The following RANBP2 variants were observed in gnomAD, a reference collection of about 807,000 sequenced individuals.
RANBP2 encodes E3 SUMO-protein ligase RanBP2.
In RANBP2, 57 loss-of-function variants were observed where a neutral mutation model predicts 303.6. The observed-to-expected ratio is 0.19, with a 90% CI of 0.15 to 0.23. RANBP2 has a LOEUF of 0.23. Ranked by LOEUF, RANBP2 falls within the 10% of genes least tolerant of loss-of-function variation. The pLI, the probability that RANBP2 is intolerant of heterozygous loss-of-function variation, is 1.00. For synonymous variants in RANBP2, 1,167 were observed against 1,301.5 expected (o/e 0.90, Z 2.23); for missense variants, 3,138 against 3,780.8 (o/e 0.83, Z 4.46).
chr2:109,713,844 GT>G, the RANBP2 span, among the ~76,000 whole-genome samples: 1 of 152,222 alleles, frequency 6.6e-6, no homozygotes, highest in African/African-American at 2.4e-5. Context: ...AGATCACTCT[GT>G]TTTTGCTACT....
chr2:109,164,473 A>T, the RANBP2 span, among the ~76,000 whole-genome samples: 5 of 152,208 alleles, frequency 3.3e-5, no homozygotes, highest in Non-Finnish European at 7.3e-5. Flanking sequence ...TGTGAGCCAC[A>T]GTATTTGGCC....
At chr2:109,709,773 A>G in the RANBP2 span, among the ~76,000 whole-genome samples, 1 of 152,234 alleles carries the variant, frequency 6.6e-6, no homozygotes, top group African/African-American at 2.4e-5. Flanking sequence ...TGGGCAAATT[A>G]GAGAAACAAA....
chr2:109,567,271 C>G, the RANBP2 span, among the ~76,000 whole-genome samples: 1 of 152,086 alleles, frequency 6.6e-6, no homozygotes, highest in African/African-American at 2.4e-5. Flanking sequence ...ATTTCAAAAC[C>G]CATGATCCTA....
chr2:109,425,370 A>G, the RANBP2 span, among the ~76,000 whole-genome samples: 2 of 146,776 alleles, frequency 1.4e-5, no homozygotes, highest in African/African-American at 2.8e-5. Context: ...GGCGACACTA[A>G]ACAACAGATT....
chr2:109,073,512 C>CAAAAAAA, the RANBP2 span, among the ~76,000 whole-genome samples: 36 of 149,994 alleles, frequency 2.4e-4, no homozygotes, highest in Non-Finnish European at 3.0e-4. Flanking sequence ...ACTAAAAATA[C>CAAAAAAA]AAAAAAATTA....
chr2:109,269,336 C>T, the RANBP2 span, among the ~76,000 whole-genome samples: 3 of 152,312 alleles, frequency 2.0e-5, no homozygotes, highest in Admixed American at 6.5e-5. Flanking sequence ...GCCTTCCCCC[C>T]GGGAGAACAG....
the RANBP2 span, chr2:109,129,446 C>T: frequency 4.0e-6 from 6 of 1,490,770 alleles, no homozygotes; most frequent in Admixed American, 2.1e-5. Flanking sequence ...CGGCGGAGCC[C>T]GGCTCCCCAG....
At chr2:109,104,141 G>A in the RANBP2 span, among the ~76,000 whole-genome samples, 6 of 152,222 alleles carry the variant, frequency 3.9e-5, no homozygotes, top group South Asian at 1.0e-3. Flanking sequence ...AGCTTTGCAG[G>A]GTCGTTTCAA....
the RANBP2 span, among the ~76,000 whole-genome samples, chr2:109,474,613 G>A: frequency 3.3e-5 from 5 of 152,244 alleles, no homozygotes; most frequent in East Asian, 1.9e-4. Context: ...TTTGGGCAGG[G>A]GGGGAGAACG....
chr2:108,991,017 T>G, the RANBP2 span, among the ~76,000 whole-genome samples: 1 of 152,168 alleles, frequency 6.6e-6, no homozygotes, highest in Non-Finnish European at 1.5e-5. Context: ...AATTAAGTGG[T>G]GATTTAAAAT....
At chr2:109,445,810 A>G in the RANBP2 span, among the ~76,000 whole-genome samples, 1 of 152,128 alleles carries the variant, frequency 6.6e-6, no homozygotes, top group Non-Finnish European at 1.5e-5. Context: ...GTGGGAAGCG[A>G]TACCCCTGAA....
At chr2:109,007,428 C>A in the RANBP2 span, among the ~76,000 whole-genome samples, 1 of 152,184 alleles carries the variant, frequency 6.6e-6, no homozygotes, top group African/African-American at 2.4e-5. Context: ...ACAACATGTA[C>A]CTATAGCTTT....
At chr2:109,455,817 C>A in the RANBP2 span, among the ~76,000 whole-genome samples, 1 of 152,230 alleles carries the variant, frequency 6.6e-6, no homozygotes, top group African/African-American at 2.4e-5. Context: ...GTGCCATTCA[C>A]TTCCGAAGTG....
At chr2:108,786,895 G>T (rs139856707), downstream of RANBP2, 104 of 1,554,056 alleles carry the variant, frequency 6.7e-5, no homozygotes, top group Non-Finnish European at 8.2e-5. Flanking sequence ...CTACGGACTC[G>T]GGGGCAGCTG....
chr2:109,268,058 A>G, the RANBP2 span, among the ~76,000 whole-genome samples: 1 of 151,326 alleles, frequency 6.6e-6, no homozygotes, highest in Non-Finnish European at 1.5e-5. Context: ...GGTCTTCCAG[A>G]CTGTCCCCTA....
intron 1 of RANBP2, among the ~76,000 whole-genome samples, chr2:108,723,872 C>T (rs1259595666): frequency 6.7e-6 from 1 of 150,294 alleles, no homozygotes; most frequent in African/African-American, 2.5e-5. Context: ...TCACATAATC[C>T]CATCAATTGC....
At chr2:109,737,480 T>C in the RANBP2 span, 1 of 610,684 alleles carries the variant, frequency 1.6e-6, no homozygotes, top group South Asian at 1.9e-5. Flanking sequence ...ACCTGCTTTT[T>C]TTTTTGCCCG....
At chr2:109,255,054 G>T in the RANBP2 span, among the ~76,000 whole-genome samples, 3 of 152,210 alleles carry the variant, frequency 2.0e-5, no homozygotes, top group Non-Finnish European at 4.4e-5. Flanking sequence ...CAAGCCTGCA[G>T]TCCTCCTAAG....
the RANBP2 span, among the ~76,000 whole-genome samples, chr2:109,681,073 C>T: frequency 0.019 from 2,904 of 152,290 alleles, 29 homozygotes; most frequent in Non-Finnish European, 0.029. Context: ...TGTATCCCCA[C>T]AATGGTGGAC....
Sources: gnomAD v4.1 joint callset for allele counts (sites outside exome capture counted in the v4.1 genomes callset) on GRCh38, gnomAD v4.1.1 for gene constraint, MANE v1.5 for transcripts, NCBI Gene and HGNC (gene_info 2026-07-23, HGNC 2026-07-21) for gene names.